Variants in NTNG1 observed in about 807,000 individuals in gnomAD.
The protein encoded by NTNG1 is netrin-G1.
In NTNG1, 16 loss-of-function variants were observed where a neutral mutation model predicts 54.0. The ratio of observed to expected loss-of-function variants is 0.30; its 90% CI spans 0.20 to 0.45. The LOEUF (loss-of-function observed/expected upper bound fraction) is 0.45, where lower values mean the gene tolerates loss of function less well. Among genes scored for constraint, NTNG1 ranks in the 20% least tolerant of loss-of-function variants. The pLI is 1.00. For synonymous variants in NTNG1, 255 were observed against 263.1 expected (o/e 0.97, Z 0.30); for missense variants, 530 against 678.7 (o/e 0.78, Z 2.43).
chr1:107,210,194 C>G (rs1371550269), intron 2 of NTNG1, among the ~76,000 whole-genome samples: 2 of 152,028 alleles, frequency 1.3e-5, no homozygotes, highest in Admixed American at 1.3e-4. Flanking sequence ...TGGGGTTTTA[C>G]CCTGAACACA....
At chr1:107,374,859 G>A (rs780645078) in intron 3 of NTNG1, among the ~76,000 whole-genome samples, 8 of 151,792 alleles carry the variant, frequency 5.3e-5, no homozygotes, top group Non-Finnish European at 1.0e-4. Flanking sequence ...GATTTATTAA[G>A]TTATTTGGAA....
At chr1:107,435,924 A>G (rs1675567303) in intron 6 of NTNG1, among the ~76,000 whole-genome samples, 1 of 152,200 alleles carries the variant, frequency 6.6e-6, no homozygotes, top group Non-Finnish European at 1.5e-5. Flanking sequence ...ATCCTATATA[A>G]GAATGTGTGA....
chr1:107,412,718 G>A (rs1488604297), intron 5 of NTNG1, among the ~76,000 whole-genome samples: 1 of 152,120 alleles, frequency 6.6e-6, no homozygotes, highest in Non-Finnish European at 1.5e-5. Flanking sequence ...GGACAGGGAT[G>A]GAGGACTGTG....
chr1:107,163,837 CAT>C (rs1456653447), intron 2 of NTNG1, among the ~76,000 whole-genome samples: 1 of 152,064 alleles, frequency 6.6e-6, no homozygotes, highest in African/African-American at 2.4e-5. Flanking sequence ...TTATTAATGA[CAT>C]ATTGGAATAG....
At chr1:107,215,453 T>G (rs994628069) in intron 2 of NTNG1, among the ~76,000 whole-genome samples, 1 of 152,190 alleles carries the variant, frequency 6.6e-6, no homozygotes, top group Non-Finnish European at 1.5e-5. Flanking sequence ...AGTGTTTGTC[T>G]TTATTTTTGG....
At chr1:107,196,395 C>G (rs550466677) in intron 2 of NTNG1, among the ~76,000 whole-genome samples, 73 of 152,108 alleles carry the variant, frequency 4.8e-4, no homozygotes, top group Non-Finnish European at 9.1e-4. Flanking sequence ...TGTATATAAA[C>G]TACTTGGCAC....
At chr1:107,443,827 A>G (rs971197032) in intron 7 of NTNG1, among the ~76,000 whole-genome samples, 10 of 152,140 alleles carry the variant, frequency 6.6e-5, no homozygotes, top group African/African-American at 2.4e-4. Context: ...TAGTATCATT[A>G]GTTTCCAATA....
chr1:107,162,250 G>A (rs113650401), intron 2 of NTNG1, among the ~76,000 whole-genome samples: 112 of 152,222 alleles, frequency 7.4e-4, no homozygotes, highest in African/African-American at 2.6e-3. Flanking sequence ...TGTAGAGTAT[G>A]AACATTTTCG....
rs796428078 is a variant in NTNG1, at chr1:107,395,089, G to A, written c.888-65G>A. The A allele has an allele frequency of 6.2e-6, 8 of 1,295,970 alleles. No individual in the cohort carries two copies. The South Asian group carries it at 9.3e-5, about 15-fold the overall frequency. The allele number at this position is 1,295,970 out of a possible 1,614,324, so 80.3% of individuals were successfully genotyped here. A position where few individuals can be genotyped will look rare whatever the true frequency, so the allele number is the denominator to read the frequency against. ...GCATGGTTTGAGGAGACAAATCAGG[G>A]AAGCCTCAGTGGTCACCAAGACCAA... is the stretch of plus-strand genomic sequence containing the variant. On this transcript the variant is annotated intron_variant, in intron 3 of 7. Transcript: ENST00000370068.
chr1:107,331,845 A>G (rs910579579), intron 3 of NTNG1, among the ~76,000 whole-genome samples: 14 of 151,928 alleles, frequency 9.2e-5, no homozygotes, highest in African/African-American at 2.7e-4. Flanking sequence ...TTTTTAATCA[A>G]TGATTCTCTC....
intron 2 of NTNG1, among the ~76,000 whole-genome samples, chr1:107,231,150 A>T (rs755523326): frequency 1.3e-5 from 2 of 152,230 alleles, no homozygotes; most frequent in African/African-American, 4.8e-5. Flanking sequence ...CGCAGAGATG[A>T]TTCATGTAAA....
At position 107,192,379 on chromosome 1, in the gene NTNG1, G is replaced by A. The variant is rs113667235; in HGVS notation, c.246+43540G>A. 8.5e-3 allele frequency among the ~76,000 whole-genome samples: 1,287 copies of A among 152,108 alleles called. 14 individuals are homozygous for A. The highest frequency in any genetic ancestry group is 0.029 in the African/African-American group (1,209 of 41,528). ...GCCCAGCGTGTTTCCTAAGACATAA[G>A]TAGATGGATTTTGTTCAAAAGCCTT... On this transcript the variant is annotated intron_variant, in intron 2 of 7. Transcript: ENST00000370068.
At chr1:107,475,748 C>G (rs1678277688) in intron 7 of NTNG1, among the ~76,000 whole-genome samples, 1 of 151,958 alleles carries the variant, frequency 6.6e-6, no homozygotes, top group African/African-American at 2.4e-5. Flanking sequence ...TTATCTTTTA[C>G]ATTAATTGAG....
chr1:107,382,255 A>G (rs1671694028), intron 3 of NTNG1, among the ~76,000 whole-genome samples: 1 of 152,230 alleles, frequency 6.6e-6, no homozygotes, highest in East Asian at 1.9e-4. Flanking sequence ...GGGACAGTCA[A>G]GGAGCCAATG....
intron 6 of NTNG1, among the ~76,000 whole-genome samples, chr1:107,431,856 G>T (rs1282366338): frequency 6.6e-6 from 1 of 152,138 alleles, no homozygotes; most frequent in Non-Finnish European, 1.5e-5. Flanking sequence ...TCACATTGAG[G>T]TACGTTCAAT....
intron 7 of NTNG1, among the ~76,000 whole-genome samples, chr1:107,473,546 A>G (rs2101592479): frequency 6.6e-6 from 1 of 152,352 alleles, no homozygotes; most frequent in South Asian, 2.1e-4. Flanking sequence ...AGTAGATTGC[A>G]GTTTGAGAAG....
chr1:107,309,145 C>T (rs2101829830), intron 2 of NTNG1, among the ~76,000 whole-genome samples: 1 of 152,306 alleles, frequency 6.6e-6, no homozygotes, highest in Middle Eastern at 3.4e-3. Context: ...AATCTATCCT[C>T]CTTTCATTTT....
rs781426661 is a variant in NTNG1 at position 107,481,646 on chromosome 1, A to C, written c.*806A>C. On this transcript the variant is annotated 3_prime_UTR_variant, in exon 8 of 8. Coordinates refer to ENST00000370068, the MANE Select transcript of NTNG1 (RefSeq NM_001113226.3). Reference sequence around the variant, plus strand: ...GTTAATGTATCTAATTCGAATCAGCAAAGACTGACATTTTATTTTGTCCTC... The same window carrying C: ...GTTAATGTATCTAATTCGAATCAGCCAAGACTGACATTTTATTTTGTCCTC... 4 of 152,664 alleles carry C rather than the reference A, an allele frequency of 2.6e-5. No individual in the cohort carries two copies. Among genetic ancestry groups the C allele is most frequent in the Non-Finnish European group, 5.9e-5 (4 of 68,046 alleles). 9.5% of individuals were successfully genotyped at this position (152,664 alleles called of 1,614,324 possible).
chr1:107,306,735 A>AGCAAG, intron 2 of NTNG1, among the ~76,000 whole-genome samples: 1 of 151,634 alleles, frequency 6.6e-6, no homozygotes, highest in South Asian at 2.1e-4. Context: ...TGGGAGACAG[A>AGCAAG]ACAAGACTCC....
Sources: gnomAD v4.1 joint callset for allele counts (sites outside exome capture counted in the v4.1 genomes callset) on GRCh38, gnomAD v4.1.1 for gene constraint, MANE v1.5 for transcripts, NCBI Gene and HGNC (gene_info 2026-07-23, HGNC 2026-07-21) for gene names.